Variants in CADPS2 observed in about 807,000 individuals in gnomAD.
CADPS2 encodes calcium-dependent secretion activator 2.
In CADPS2, 93 loss-of-function variants were observed where a neutral mutation model predicts 172.5. The ratio of observed to expected loss-of-function variants is 0.54; its 90% CI spans 0.46 to 0.64. The LOEUF is 0.64. Among genes scored for constraint, CADPS2 ranks in the 30% least tolerant of loss-of-function variants. The pLI is 0.00. For missense variants in CADPS2, 1,420 were observed against 1,565.9 expected (o/e 0.91, Z 1.57); for synonymous variants, 546 against 555.2 (o/e 0.98, Z 0.23).
At chr7:122,768,019 G>T (rs1248503280) in intron 1 of CADPS2, among the ~76,000 whole-genome samples, 1 of 152,058 alleles carries the variant, frequency 6.6e-6, no homozygotes, top group East Asian at 1.9e-4. Context: ...TGAGTTTCTG[G>T]CCTTATATAC....
chr7:122,666,068 AACAT>A (rs2081162977), intron 2 of CADPS2, among the ~76,000 whole-genome samples: 1 of 152,160 alleles, frequency 6.6e-6, no homozygotes, highest in Admixed American at 6.5e-5. Flanking sequence ...AGTGACATTT[AACAT>A]ACATAAATTG....
chr7:122,451,204 C>A (rs922243409), intron 15 of CADPS2, among the ~76,000 whole-genome samples, 170 bp downstream of exon 15: 1 of 152,060 alleles, frequency 6.6e-6, no homozygotes, highest in Non-Finnish European at 1.5e-5. Flanking sequence ...CTGAATGATA[C>A]GCTGAGAAGC....
chr7:122,616,430 A>C (rs2074931456), intron 5 of CADPS2, among the ~76,000 whole-genome samples: 1 of 152,240 alleles, frequency 6.6e-6, no homozygotes, highest in African/African-American at 2.4e-5. Context: ...TCTTCCTTTC[A>C]GCTCTGTTAC....
rs2135381973 is a variant in CADPS2, at chr7:122,663,429, T to C, written c.594A>G (p.Thr198=). ...ATTTGGCTATCCATGAGCTCAACAC[T>C]GTCTCTTTGCTCAAGCCATCTATTT... ...LPEIDGLSKE[T]VLSSWIAKYD... The change falls in exon 3 of 30, where the codon ACA becomes ACG. Residue 198 remains threonine, a synonymous_variant. Transcript: ENST00000449022. The C allele has an allele frequency of 6.2e-7, 1 of 1,613,988 alleles. No individual in the cohort carries two copies. Among genetic ancestry groups the C allele is most frequent in the Non-Finnish European group, 8.5e-7 (1 of 1,179,886 alleles).
Position 122,471,382 on chromosome 7 carries a change from C to T in CADPS2, c.2179G>A (p.Gly727Ser), listed in dbSNP as rs757772410. ...ATTTGCAAGTAAAAATACCTGTTGC[C>T]GTGCACATGAGAGGCACAGAATGCA... Reference protein sequence around the residue: ...SFAFCASHVHGNRPDGIGTVS... With the variant: ...SFAFCASHVHSNRPDGIGTVS... The change falls in exon 14 of 30, where the codon GGC becomes AGC. Residue 727 changes from glycine (G) to serine (S), a missense_variant. By Grantham distance (56) the Gly-to-Ser change is moderately conservative. Transcript: ENST00000449022. 2.2e-5 allele frequency: 35 copies of T among 1,609,610 alleles called. No individual in the cohort carries two copies. The Admixed American group carries it at 3.0e-4, about 14-fold the overall frequency.
chr7:122,491,406 G>C lies in CADPS2; in HGVS notation c.1557C>G (p.Thr519=), dbSNP rs1268048084. Residue 519 remains threonine (T), a synonymous_variant, in exon 10 of 30, where the codon ACC becomes ACG. Coordinates refer to ENST00000449022, the MANE Select transcript of CADPS2 (RefSeq NM_017954.11). Reference sequence around the variant, plus strand: ...TTTCTCTATAACTGCACATAGCAAAGGTATATTGGCTAACCTGCTCGAGAA... The same window carrying C: ...TTTCTCTATAACTGCACATAGCAAACGTATATTGGCTAACCTGCTCGAGAA... The part of the protein sequence containing the change: ...YFVLVQVSQY[T]FAMCSYREKK... 6.2e-7 allele frequency: 1 copy of C among 1,604,394 alleles called. No individual in the cohort carries two copies. Among genetic ancestry groups the C allele is most frequent in the East Asian group, 2.2e-5 (1 of 44,480 alleles).
chr7:122,869,485 T>G (rs1289444494), intron 1 of CADPS2, among the ~76,000 whole-genome samples: 2 of 151,926 alleles, frequency 1.3e-5, no homozygotes, highest in African/African-American at 4.8e-5. Flanking sequence ...CCAGCAAACC[T>G]GTCCTTCAAA....
At chr7:122,759,856 A>G (rs2093315573) in intron 1 of CADPS2, among the ~76,000 whole-genome samples, 1 of 152,140 alleles carries the variant, frequency 6.6e-6, no homozygotes, top group African/African-American at 2.4e-5. Context: ...TAGCAAAGGA[A>G]GAAGCAAAAT....
intron 9 of CADPS2, 91 bp from the exon 10 acceptor site, chr7:122,491,511 TA>T (rs2058285930): frequency 1.7e-6 from 1 of 600,930 alleles, no homozygotes; most frequent in African/African-American, 1.9e-5. Flanking sequence ...TTTTCCCAAT[TA>T]AAAATATAAC....
chr7:122,527,611 AGAGAGAGT>A (rs1434242713), intron 8 of CADPS2, among the ~76,000 whole-genome samples: 9 of 110,812 alleles, frequency 8.1e-5, no homozygotes, highest in African/African-American at 1.3e-4. Context: ...AGAGAGAGAG[AGAGAGAGT>A]GTGTGTGTGT....
intron 1 of CADPS2, among the ~76,000 whole-genome samples, chr7:122,813,027 C>G (rs1190632665): frequency 6.6e-6 from 1 of 152,130 alleles, no homozygotes; most frequent in Non-Finnish European, 1.5e-5. Flanking sequence ...ATATGGGACA[C>G]AGCAGGAAAA....
Position 122,777,925 on chromosome 7 carries a change from C to T in CADPS2, c.340-40857G>A, listed in dbSNP as rs115640853. On this transcript the variant is annotated intron_variant, in intron 1 of 29. Coordinates refer to ENST00000449022, the MANE Select transcript of CADPS2 (RefSeq NM_017954.11). The stretch of plus-strand genomic sequence containing the variant: ...AGAGTGGGGTGCTGCTATAACGATA[C>T]GCAAAAATGTGAACTTGACTTTGGA... Among the ~76,000 whole-genome samples, 979 of 152,092 alleles carry T rather than the reference C, an allele frequency of 6.4e-3. 10 individuals are homozygous for T. Among genetic ancestry groups the T allele is most frequent in the African/African-American group, 0.022 (924 of 41,488 alleles).
At chr7:122,595,344 T>C (rs1281506519) in intron 6 of CADPS2, among the ~76,000 whole-genome samples, 1 of 152,106 alleles carries the variant, frequency 6.6e-6, no homozygotes, top group African/African-American at 2.4e-5. Context: ...TTACAAGATA[T>C]CTTCCCCTAA....
At chr7:122,421,885 T>C (rs2048570511) in intron 17 of CADPS2, 1 of 152,186 alleles carries the variant, frequency 6.6e-6, no homozygotes, top group African/African-American at 2.4e-5. Flanking sequence ...ATTATTGTGG[T>C]GGGTATGTGT....
chr7:122,607,967 C>G (rs2073798875), intron 6 of CADPS2, among the ~76,000 whole-genome samples: 1 of 152,004 alleles, frequency 6.6e-6, no homozygotes, highest in South Asian at 2.1e-4. Context: ...ACCTGTAATC[C>G]CAGCACTTTG....
chr7:122,812,097 T>C (rs1261366434), intron 1 of CADPS2, among the ~76,000 whole-genome samples: 1 of 152,074 alleles, frequency 6.6e-6, no homozygotes, highest in Non-Finnish European at 1.5e-5. Flanking sequence ...CTAAAGATTC[T>C]ACTTGTCCTA....
Position 122,430,453 on chromosome 7 carries a change from T to C in CADPS2, c.2476+7888A>G, listed in dbSNP as rs754168366. ...AATTGATTCTTCTTTTAAAATAATA[T>C]CTAATTTGCATCAACAAGGCACATG... is the stretch of plus-strand genomic sequence containing the variant. On this transcript the variant is annotated intron_variant, in intron 17 of 29. Coordinates refer to ENST00000449022, the MANE Select transcript of CADPS2 (RefSeq NM_017954.11). Among the ~76,000 whole-genome samples, 12 of 152,280 alleles carry C rather than the reference T, an allele frequency of 7.9e-5. No homozygotes were observed. In the South Asian group the frequency reaches 2.1e-3, roughly 26 times the overall value.
intron 1 of CADPS2, chr7:122,850,329 A>G: frequency 2.2e-6 from 1 of 453,284 alleles, no homozygotes; most frequent in Non-Finnish European, 3.9e-6. Flanking sequence ...GCAGACATGG[A>G]CTTCTCAGCC....
intron 8 of CADPS2, among the ~76,000 whole-genome samples, chr7:122,533,665 T>C (rs1255320541): frequency 6.6e-6 from 1 of 152,146 alleles, no homozygotes; most frequent in Non-Finnish European, 1.5e-5. Context: ...AATTAACAAA[T>C]TGCTAACATG....
Sources: allele counts gnomAD v4.1 joint callset (sites outside exome capture counted in the v4.1 genomes callset), GRCh38; gene constraint gnomAD v4.1.1; transcripts MANE v1.5; gene names NCBI Gene and HGNC (gene_info 2026-07-23, HGNC 2026-07-21).